The following PTPRE variants were observed in gnomAD, a reference collection of about 807,000 sequenced individuals.
PTPRE encodes the protein protein tyrosine phosphatase receptor type E.
In PTPRE, 51 loss-of-function variants were observed where a neutral mutation model predicts 102.0. The observed-to-expected ratio is 0.50, with a 90% CI of 0.40 to 0.63. PTPRE has a LOEUF of 0.63. PTPRE is among the 30% of genes least tolerant of loss of function. PTPRE has a pLI of 0.00. For synonymous variants in PTPRE, 345 were observed against 348.2 expected (o/e 0.99, Z 0.10); for missense variants, 752 against 915.1 (o/e 0.82, Z 2.30).
At chr10:127,961,810 C>T (rs1236593614) in intron 1 of PTPRE, among the ~76,000 whole-genome samples, 1 of 152,152 alleles carries the variant, frequency 6.6e-6, no homozygotes, top group Non-Finnish European at 1.5e-5. Flanking sequence ...CACTGAGAAC[C>T]CAGGCTGTCT....
chr10:128,075,706 T>C (rs1211369326), intron 17 of PTPRE, among the ~76,000 whole-genome samples: 2 of 152,256 alleles, frequency 1.3e-5, no homozygotes. Flanking sequence ...GTCCTAATTA[T>C]TGTTAATTGA....
chr10:128,070,991 C>T lies in PTPRE; in HGVS notation c.1387+90C>T. Reference sequence around the variant, plus strand: ...TGGAGAAGCCATTGACCGCTTACCCCTGTGCACCAGGGTCAAAAGCAGGGT... The same window carrying T: ...TGGAGAAGCCATTGACCGCTTACCCTTGTGCACCAGGGTCAAAAGCAGGGT... On this transcript the variant is annotated intron_variant, in intron 15 of 20. Transcript: ENST00000254667. The surrounding 1 kb of genome is among the most constrained non-coding windows in gnomAD (Gnocchi z 4.8). 1 of 1,305,574 alleles carries T rather than the reference C, an allele frequency of 7.7e-7. No homozygotes were observed. Among genetic ancestry groups the T allele is most frequent in the Non-Finnish European group, 1.1e-6 (1 of 920,622 alleles). The allele number at this position is 1,305,574 out of a possible 1,614,324, so 80.9% of individuals were successfully genotyped here.
chr10:127,948,064 G>T (rs116158775), intron 1 of PTPRE, among the ~76,000 whole-genome samples: 1 of 152,142 alleles, frequency 6.6e-6, no homozygotes, highest in Non-Finnish European at 1.5e-5. Context: ...CCTAGGAGGG[G>T]TGAAGAGCTG....
intron 12 of PTPRE, 184 bp downstream of exon 12, chr10:128,068,470 C>A: frequency 1.8e-6 from 1 of 566,496 alleles, no homozygotes; most frequent in Non-Finnish European, 2.8e-6. Context: ...GTTCAGAGAG[C>A]CCCCTCTTCA....
At position 128,049,478 on chromosome 10, in the gene PTPRE, G is replaced by A. The variant is rs181779079; in HGVS notation, c.284-52G>A. 223 of 1,598,540 alleles carry A rather than the reference G, an allele frequency of 1.4e-4. 1 individual carries two copies. In the African/African-American group the frequency reaches 2.2e-3, roughly 15 times the overall value. On this transcript the variant is annotated intron_variant, in intron 5 of 20. Transcript: ENST00000254667. ...CGTTGGTCAGCTTGGTTACTCAGTC[G>A]CCTATCCAGGAATGTGGCTAAATGG... is the stretch of plus-strand genomic sequence containing the variant.
chr10:128,036,214 G>T (rs1263029463), intron 2 of PTPRE, among the ~76,000 whole-genome samples: 1 of 151,850 alleles, frequency 6.6e-6, no homozygotes, highest in Non-Finnish European at 1.5e-5. Flanking sequence ...GGGCCCTAGT[G>T]CAGTGACTTC....
intron 1 of PTPRE, among the ~76,000 whole-genome samples, chr10:127,959,498 A>C (rs1249354118): frequency 3.3e-5 from 5 of 152,238 alleles, no homozygotes; most frequent in Non-Finnish European, 7.3e-5. Context: ...CATCCCCAAT[A>C]ACTCAGACTC....
intron 9 of PTPRE, among the ~76,000 whole-genome samples, chr10:128,061,930 G>C (rs747396000): frequency 1.3e-5 from 2 of 152,170 alleles, no homozygotes; most frequent in Non-Finnish European, 2.9e-5. Context: ...CACAGGGCAC[G>C]CAATGGCCCC....
At chr10:128,052,533 C>T (rs1157882015) in intron 6 of PTPRE, among the ~76,000 whole-genome samples, 1 of 152,122 alleles carries the variant, frequency 6.6e-6, no homozygotes, top group Non-Finnish European at 1.5e-5. Context: ...GGTTGGATAA[C>T]CTGGACATGC....
At chr10:127,978,642 C>T (rs560496214) in intron 1 of PTPRE, among the ~76,000 whole-genome samples, 9 of 152,276 alleles carry the variant, frequency 5.9e-5, no homozygotes, top group African/African-American at 2.2e-4. Flanking sequence ...TCAGCAGCCC[C>T]GGGCCGGCAT....
At chr10:128,082,196 T>TA (rs370540400) in intron 20 of PTPRE, among the ~76,000 whole-genome samples, 1 of 68,480 alleles carries the variant, frequency 1.5e-5, no homozygotes. Flanking sequence ...TTTCTCTTTC[T>TA]TTTTTTTTTT....
In PTPRE at chr10:128,082,867, T is replaced by G. The variant is rs1851843287; in HGVS notation, c.2064T>G (p.Asp688Glu). ...QYEFCYKVVQ[D>E]FIDIFSDYAN... ...AATTCTGCTACAAAGTGGTACAAGATTTTATTGATATATTTTCTGATTATG... is the reference window on the plus strand; with the variant it reads ...AATTCTGCTACAAAGTGGTACAAGAGTTTATTGATATATTTTCTGATTATG... Residue 688 changes from aspartate to glutamate, a missense_variant, in exon 21 of 21, where the codon GAT (aspartate) becomes GAG (glutamate). By Grantham distance (45) the Asp-to-Glu change is conservative. This residue lies in a region of PTPRE where 636 missense variants were observed against 824.4 expected (regional missense o/e 0.77). Coordinates refer to ENST00000254667, the MANE Select transcript of PTPRE (RefSeq NM_006504.6). 6.4e-7 allele frequency: 1 copy of G among 1,554,718 alleles called. No homozygotes were observed. Among genetic ancestry groups the G allele is most frequent in the Non-Finnish European group, 8.6e-7 (1 of 1,160,064 alleles).
rs552236868 is a variant in PTPRE, at chr10:127,910,029, G to A, written c.-31+2720G>A. On this transcript the variant is annotated intron_variant, in intron 1 of 20. Transcript: ENST00000254667. ...GAGGGAACAGGATCGAAGCTGCCCC[G>A]TATTCCCTTGCTAGACAAGTCTTTT... Among the ~76,000 whole-genome samples the A allele has an allele frequency of 3.9e-5, 6 of 152,284 alleles. No homozygotes were observed. In the South Asian group the frequency reaches 1.0e-3, roughly 26 times the overall value.
intron 1 of PTPRE, among the ~76,000 whole-genome samples, chr10:127,948,755 C>T (rs542205106): frequency 6.6e-6 from 1 of 152,322 alleles, no homozygotes; most frequent in African/African-American, 2.4e-5. Flanking sequence ...AGCCAGTCAC[C>T]TACATTGTGA....
At chr10:128,016,074 T>C (rs1845400367) in intron 2 of PTPRE, among the ~76,000 whole-genome samples, 1 of 152,102 alleles carries the variant, frequency 6.6e-6, no homozygotes, top group Non-Finnish European at 1.5e-5. Flanking sequence ...GGGGACTTTT[T>C]GGTAGACTGA....
intron 6 of PTPRE, among the ~76,000 whole-genome samples, chr10:128,050,354 T>C (rs7921573): frequency 0.063 from 8,418 of 134,532 alleles, 547 homozygotes; most frequent in Non-Finnish European, 0.083. Context: ...GATGGATGGA[T>C]GGATGGATGG....
At chr10:127,919,363 G>A (rs879468144) in intron 1 of PTPRE, among the ~76,000 whole-genome samples, 10 of 152,192 alleles carry the variant, frequency 6.6e-5, no homozygotes, top group Non-Finnish European at 1.3e-4. Flanking sequence ...GAAGTTTGGC[G>A]AACAATTCCA....
intron 2 of PTPRE, chr10:127,999,628 AC>A (rs1414600789): frequency 1.0e-5 from 10 of 985,128 alleles, no homozygotes; most frequent in Middle Eastern, 5.2e-4. Flanking sequence ...CGCCTTTCTT[AC>A]TGACTGATTA....
chr10:128,019,531 G>C lies in PTPRE; in HGVS notation c.-7-21344G>C, dbSNP rs550440936. Among the ~76,000 whole-genome samples, 3 of 152,178 alleles carry C rather than the reference G, an allele frequency of 2.0e-5. No individual in the cohort carries two copies. The East Asian group carries it at 5.8e-4, about 29-fold the overall frequency. ...AAATACTCAGAGTCCAGGGTCCTTC[G>C]TGGGATCTGCCTTGAGTAGCCAGAG... On this transcript the variant is annotated intron_variant, in intron 2 of 20. Transcript: ENST00000254667.
Sources: allele counts gnomAD v4.1 joint callset (sites outside exome capture counted in the v4.1 genomes callset), GRCh38; gene constraint gnomAD v4.1.1; regional missense constraint gnomAD v4.1.1; non-coding constraint Gnocchi (gnomAD v3.1); transcripts MANE v1.5; gene names NCBI Gene and HGNC (gene_info 2026-07-23, HGNC 2026-07-21).